KLF12: variants seen among roughly 807,000 people sequenced by gnomAD.
KLF12 encodes the protein Krueppel-like factor 12.
A neutral mutation model predicts 37.8 loss-of-function variants in KLF12; 9 were observed. That is an observed-to-expected ratio of 0.24 (90% CI 0.14 to 0.42). The LOEUF (loss-of-function observed/expected upper bound fraction) is 0.42. Ranked by LOEUF, KLF12 falls within the 10% of genes least tolerant of loss-of-function variation. The probability of loss-of-function intolerance (pLI) is 1.00; values close to 1 mark genes in which losing one functional copy is unlikely to be tolerated. For missense variants in KLF12, 411 were observed against 516.0 expected (o/e 0.80, Z 1.97); for synonymous variants, 208 against 202.1 (o/e 1.03, Z -0.25).
chr13:74,032,601 G>C (rs4883962), intron 1 of KLF12, among the ~76,000 whole-genome samples: 25,808 of 152,020 alleles, frequency 0.17, 2,340 homozygotes, highest in Admixed American at 0.24. Context: ...TATGACACAT[G>C]AGTATTATTC....
chr13:73,746,809 C>CTTT lies in KLF12; in HGVS notation c.869+18128_869+18129insAAA, dbSNP rs1566338130. ...TTTAAAGCCATGCCCCTCCCTCCCTCCTTTTTTTTTTTTTTTTTTTTGAGA... is the reference window on the plus strand; with the variant it reads ...TTTAAAGCCATGCCCCTCCCTCCCTCTTTCTTTTTTTTTTTTTTTTTTTTGAGA... On this transcript the variant is annotated intron_variant, in intron 6 of 7. Transcript: ENST00000377669. 9.1e-4 allele frequency among the ~76,000 whole-genome samples: 109 copies of CTTT among 119,176 alleles called. 1 individual carries two copies. The highest frequency in any genetic ancestry group is 3.9e-3 in the African/African-American group (101 of 25,664). The allele number at this position is 119,176 out of a possible 152,430, so 78.2% of individuals were successfully genotyped here.
chr13:74,038,949 A>G (rs1391664054), intron 1 of KLF12, among the ~76,000 whole-genome samples: 2 of 152,028 alleles, frequency 1.3e-5, no homozygotes, highest in East Asian at 1.9e-4. Context: ...TTGAATATCT[A>G]TAACTAGCAA....
At chr13:73,933,482 G>C (rs1008596185) in intron 3 of KLF12, among the ~76,000 whole-genome samples, 2 of 152,032 alleles carry the variant, frequency 1.3e-5, no homozygotes, top group Non-Finnish European at 2.9e-5. Context: ...TCAGACATAA[G>C]AATTCCAGTT....
intron 3 of KLF12, among the ~76,000 whole-genome samples, chr13:73,850,828 T>C (rs1015776685): frequency 1.3e-5 from 2 of 152,238 alleles, no homozygotes; most frequent in Middle Eastern, 3.2e-3. Context: ...TGAGAAATAA[T>C]TTCATGGCAA....
At chr13:74,031,854 T>C (rs942280567) in intron 1 of KLF12, among the ~76,000 whole-genome samples, 1 of 152,164 alleles carries the variant, frequency 6.6e-6, no homozygotes, top group Non-Finnish European at 1.5e-5. Context: ...ATTTCAAAGA[T>C]GCAATAGGCT....
In KLF12 at chr13:73,689,557, G is replaced by GA. The variant is rs548547637; in HGVS notation, c.*5932dup. 4.3e-4 allele frequency: 66 copies of GA among 152,160 alleles called. No homozygotes were observed. The highest frequency in any genetic ancestry group is 1.6e-3 in the African/African-American group (65 of 41,528). 9.4% of individuals were successfully genotyped at this position (152,160 alleles called of 1,614,324 possible). ...ACTTTTAGCAGTACAGTAATTACAG[G>GA]AAAAAACCTGTGAGCTTCTGAATGT... On this transcript the variant is annotated 3_prime_UTR_variant, in exon 8 of 8. Transcript: ENST00000377669.
intron 1 of KLF12, among the ~76,000 whole-genome samples, chr13:74,121,708 AT>A (rs1464475868): frequency 1.3e-5 from 2 of 151,994 alleles, no homozygotes; most frequent in Admixed American, 6.6e-5. Flanking sequence ...GGGTTTTTGA[AT>A]TTTTTTATCC....
chr13:73,699,645 T>TTAAAATAGCCACTGTGAACAC (rs1180882748), intron 7 of KLF12, among the ~76,000 whole-genome samples: 1 of 152,218 alleles, frequency 6.6e-6, no homozygotes, highest in Non-Finnish European at 1.5e-5. Context: ...TACTGTTGTA[T>TTAAAATAGCCACTGTGAACAC]TAAAATAGCC....
chr13:74,291,782 G>A, the KLF12 span, among the ~76,000 whole-genome samples: 3 of 152,144 alleles, frequency 2.0e-5, no homozygotes, highest in Non-Finnish European at 4.4e-5. Context: ...ACACAAATCA[G>A]CAAAGATGAT....
At chr13:73,777,164 G>T (rs764559921) in intron 5 of KLF12, among the ~76,000 whole-genome samples, 5 of 152,174 alleles carry the variant, frequency 3.3e-5, no homozygotes, top group Non-Finnish European at 5.9e-5. Flanking sequence ...GGTGTCCTAA[G>T]ATACAGCTTT....
intron 2 of KLF12, among the ~76,000 whole-genome samples, chr13:73,970,602 T>C (rs1365259973): frequency 1.3e-5 from 2 of 152,160 alleles, no homozygotes; most frequent in Non-Finnish European, 1.5e-5. Flanking sequence ...AGTTCTACCA[T>C]ATGCCAACTG....
chr13:74,011,504 T>C (rs1373742793), intron 1 of KLF12, among the ~76,000 whole-genome samples: 2 of 152,356 alleles, frequency 1.3e-5, no homozygotes, highest in African/African-American at 4.8e-5. Context: ...ATTTTGGATA[T>C]ACAGTCGGCC....
chr13:74,172,244 G>T, the KLF12 span, among the ~76,000 whole-genome samples: 1 of 151,188 alleles, frequency 6.6e-6, no homozygotes, highest in African/African-American at 2.4e-5. Context: ...TATCAACAAG[G>T]TATTTTCTGT....
At chr13:74,255,132 C>T in the KLF12 span, among the ~76,000 whole-genome samples, 1 of 152,182 alleles carries the variant, frequency 6.6e-6, no homozygotes, top group Non-Finnish European at 1.5e-5. Context: ...TCTTCTGTAA[C>T]AGATATTTAG....
chr13:73,933,856 TATAAC>T (rs148507286), intron 3 of KLF12, among the ~76,000 whole-genome samples: 6,497 of 152,202 alleles, frequency 0.043, 216 homozygotes, highest in African/African-American at 0.098. Flanking sequence ...GTAAAGAACA[TATAAC>T]ATAAAATTTA....
chr13:73,939,050 T>C (rs1890074474), intron 3 of KLF12, among the ~76,000 whole-genome samples: 1 of 152,202 alleles, frequency 6.6e-6, no homozygotes, highest in Non-Finnish European at 1.5e-5. Flanking sequence ...TGCCGCACTA[T>C]TGCCGCTCTT....
chr13:73,747,164 C>A (rs1038197025), intron 6 of KLF12, among the ~76,000 whole-genome samples: 4 of 152,088 alleles, frequency 2.6e-5, no homozygotes, highest in Non-Finnish European at 5.9e-5. Flanking sequence ...CTACTATGGG[C>A]CAGACCTTAT....
chr13:73,993,724 A>G (rs1892032004), intron 2 of KLF12, among the ~76,000 whole-genome samples: 1 of 152,222 alleles, frequency 6.6e-6, no homozygotes, highest in Non-Finnish European at 1.5e-5. Context: ...TGCTGGAGCT[A>G]GCTCATCCCC....
chr13:73,703,301 G>A (rs1389150195), intron 7 of KLF12, among the ~76,000 whole-genome samples: 2 of 152,050 alleles, frequency 1.3e-5, no homozygotes, highest in Admixed American at 1.3e-4. Flanking sequence ...GTTAAAAATG[G>A]ATCCTGTTTG....
Sources: gnomAD v4.1 joint callset for allele counts (sites outside exome capture counted in the v4.1 genomes callset) on GRCh38, gnomAD v4.1.1 for gene constraint, MANE v1.5 for transcripts, NCBI Gene and HGNC (gene_info 2026-07-23, HGNC 2026-07-21) for gene names.